The following KIF5B variants were observed in gnomAD, a reference collection of about 807,000 sequenced individuals.
KIF5B encodes kinesin-1 heavy chain.
A neutral mutation model predicts 132.8 loss-of-function variants in KIF5B; 49 were observed. The ratio of observed to expected loss-of-function variants is 0.37; its 90% CI spans 0.29 to 0.47. The LOEUF (loss-of-function observed/expected upper bound fraction) is 0.47. Among genes scored for constraint, KIF5B ranks in the 20% least tolerant of loss-of-function variants. The pLI, the probability that KIF5B is intolerant of heterozygous loss-of-function variation, is 1.00. For missense variants in KIF5B, 780 were observed against 1,144.0 expected (o/e 0.68, Z 4.59); for synonymous variants, 355 against 369.4 (o/e 0.96, Z 0.45).
Position 32,032,879 on chromosome 10 carries a change from A to T in KIF5B, c.1306-105T>A, listed in dbSNP as rs1427691582. On this transcript the variant is annotated intron_variant, in intron 12 of 25. Transcript: ENST00000302418. ...TACTCCCCAGAAATATTTCAAAACC[A>T]TTTCTCTAAATTCAACATTGCTTAT... is the stretch of plus-strand genomic sequence containing the variant. 3.7e-6 allele frequency: 3 copies of T among 809,350 alleles called. No homozygotes were observed. The East Asian group carries it at 7.5e-5, about 20-fold the overall frequency. 50.1% of individuals were successfully genotyped at this position (809,350 alleles called of 1,614,324 possible).
rs1377546148 is a variant in KIF5B at position 32,034,680 on chromosome 10, A to C, written c.1111+10T>G. 5 of 1,543,202 alleles carry C rather than the reference A, an allele frequency of 3.2e-6. No homozygotes were observed. Among genetic ancestry groups the C allele is most frequent in the South Asian group, 1.3e-5 (1 of 79,026 alleles). On this transcript the variant is annotated intron_variant, in intron 11 of 25. Transcript: ENST00000302418. ...AACAAACTGAAGATGACAAATTCTT[A>C]AGTTATTACCATTACGCCATCTGTT...
At position 32,033,942 on chromosome 10, in the gene KIF5B, G is replaced by C; in HGVS notation, c.1208C>G (p.Pro403Arg). The stretch of plus-strand genomic sequence containing the variant: ...TCCTATAACTCCAATTGCGGTTGCT[G>C]GTTTATCATTGGTAAGAGTAATATC... ...DKDITLTNDK[P>R]ATAIGVIGNF... The change falls in exon 12 of 26, where the codon CCA (proline) becomes CGA (arginine). Residue 403 changes from proline (P) to arginine (R), a missense_variant. Transcript: ENST00000302418. The C allele has an allele frequency of 2.5e-6, 4 of 1,612,212 alleles. No individual in the cohort carries two copies. Among genetic ancestry groups the C allele is most frequent in the Non-Finnish European group, 3.4e-6 (4 of 1,178,618 alleles).
In KIF5B at chr10:32,009,481, T is replaced by G. The variant is rs1168513284; in HGVS notation, c.*2056A>C. ...CACTGAAAACAAATTTATGAAATTCTTGGTACACTTTATGAAAGTCTGAAA... is the reference window on the plus strand; with the variant it reads ...CACTGAAAACAAATTTATGAAATTCGTGGTACACTTTATGAAAGTCTGAAA... On this transcript the variant is annotated 3_prime_UTR_variant, in exon 26 of 26. Coordinates refer to ENST00000302418, the MANE Select transcript of KIF5B (RefSeq NM_004521.3). 1.3e-5 allele frequency: 2 copies of G among 152,314 alleles called. No individual in the cohort carries two copies. The highest frequency in any genetic ancestry group is 3.9e-4 in the East Asian group (2 of 5,192). The allele number at this position is 152,314 out of a possible 1,614,324, so 9.4% of individuals were successfully genotyped here. A position where few individuals can be genotyped will look rare whatever the true frequency, so the allele number is the denominator to read the frequency against.
intron 2 of KIF5B, among the ~76,000 whole-genome samples, chr10:32,041,330 G>C (rs1841536424): frequency 1.3e-5 from 2 of 151,964 alleles, no homozygotes; most frequent in African/African-American, 4.8e-5. Flanking sequence ...ATTTTCTCTG[G>C]ACCCAGACTG....
Position 32,056,260 on chromosome 10 carries a change from T to G in KIF5B, c.-287A>C. 5.1e-6 allele frequency: 2 copies of G among 389,534 alleles called. No homozygotes were observed. Among genetic ancestry groups the G allele is most frequent in the East Asian group, 6.8e-5 (1 of 14,764 alleles). The allele number at this position is 389,534 out of a possible 1,614,324, so 24.1% of individuals were successfully genotyped here. A position where few individuals can be genotyped will look rare whatever the true frequency, so the allele number is the denominator to read the frequency against. ...TCCGCGGCTCCTCAGCGTCCCCCTT[T>G]ACGGTCTGGGCGGACTGCGGGGGCT... On this transcript the variant is annotated 5_prime_UTR_variant, in exon 1 of 26. Transcript: ENST00000302418.
chr10:32,018,628 T>G (rs1328904039), intron 20 of KIF5B, 66 bp from the exon 21 acceptor site: 2 of 1,170,638 alleles, frequency 1.7e-6, no homozygotes, highest in East Asian at 2.4e-5. Flanking sequence ...AGCATGAGAG[T>G]TGAATAAAAT....
At chr10:32,042,504 G>A (rs1564469845) in intron 2 of KIF5B, among the ~76,000 whole-genome samples, 1 of 152,148 alleles carries the variant, frequency 6.6e-6, no homozygotes, top group Non-Finnish European at 1.5e-5. Flanking sequence ...TTACCAATGA[G>A]TATTCGATCA....
Position 32,009,308 on chromosome 10 carries a change from CATCT to C in KIF5B, c.*2225_*2228del, listed in dbSNP as rs973939911. 1.3e-5 allele frequency: 2 copies of C among 152,108 alleles called. No homozygotes were observed. Among genetic ancestry groups the C allele is most frequent in the African/African-American group, 2.4e-5 (1 of 41,410 alleles). 9.4% of individuals were successfully genotyped at this position (152,108 alleles called of 1,614,324 possible). A position where few individuals can be genotyped will look rare whatever the true frequency, so the allele number is the denominator to read the frequency against. ...ATTTCATTGAGTTTCTCTTCTGAAC[CATCT>C]ATCAATGCCATTCAGAGGAACGTTA... On this transcript the variant is annotated 3_prime_UTR_variant, in exon 26 of 26. Transcript: ENST00000302418.
intron 2 of KIF5B, among the ~76,000 whole-genome samples, chr10:32,041,138 T>G (rs1841531913): frequency 7.6e-6 from 1 of 131,088 alleles, no homozygotes; most frequent in African/African-American, 2.9e-5. Context: ...ACAGTGAGAC[T>G]CTGTCTCAAA....
chr10:32,046,194 A>G (rs1841606930), intron 2 of KIF5B, among the ~76,000 whole-genome samples: 1 of 152,198 alleles, frequency 6.6e-6, no homozygotes, highest in Non-Finnish European at 1.5e-5. Flanking sequence ...AAAGACCTGT[A>G]TATTCAAATT....
intron 4 of KIF5B, 64 bp from the exon 5 acceptor site, chr10:32,038,890 G>A: frequency 1.0e-6 from 1 of 972,228 alleles, no homozygotes; most frequent in Non-Finnish European, 1.6e-6. Flanking sequence ...GCATATTGAG[G>A]TCTGAGTGCT....
rs200775134 is a variant in KIF5B at position 32,017,157 on chromosome 10, T to C, written c.2747A>G (p.His916Arg). ...VRSKNMARRG[H>R]SAQIAKPIRP... ...GTTCTACTAACCAATCTGTGCAGAA[T>C]GCCCTCTTCTGGCCATATTCTTTGA... The change falls in exon 24 of 26, where the codon CAT (histidine) becomes CGT (arginine). Residue 916 changes from histidine to arginine, a missense_variant. This residue lies in a region of KIF5B where 90 missense variants were observed against 101.8 expected (regional missense o/e 0.88). Transcript: ENST00000302418. The C allele has an allele frequency of 6.2e-7, 1 of 1,613,876 alleles. No homozygotes were observed. The highest frequency in any genetic ancestry group is 8.5e-7 in the Non-Finnish European group (1 of 1,179,664).
intron 18 of KIF5B, 37 bp downstream of exon 18, chr10:32,021,185 CTGAT>C (rs1564463621): frequency 6.3e-7 from 1 of 1,594,406 alleles, no homozygotes; most frequent in Non-Finnish European, 8.6e-7. Context: ...AAAATTAATA[CTGAT>C]TAATTAAAGC....
intron 15 of KIF5B, among the ~76,000 whole-genome samples, chr10:32,025,063 C>T (rs896679763): frequency 6.6e-6 from 1 of 152,130 alleles, no homozygotes; most frequent in African/African-American, 2.4e-5. Context: ...GGTGACAGAG[C>T]GAGACTCCGT....
At chr10:32,040,348 G>A (rs532314566) in intron 3 of KIF5B, 36 bp downstream of exon 3, 28 of 1,259,836 alleles carry the variant, frequency 2.2e-5, no homozygotes, top group Non-Finnish European at 3.3e-5. Flanking sequence ...TGTATGTATT[G>A]CAAACCACAT....
At chr10:32,038,300 G>GTTA in intron 5 of KIF5B, 82 bp from the exon 6 acceptor site, 1 of 940,712 alleles carries the variant, frequency 1.1e-6, no homozygotes, top group South Asian at 1.4e-5. Context: ...GCTTTCCTGA[G>GTTA]CAGCCTAACA....
rs1038862788 is a variant in KIF5B at position 32,010,787 on chromosome 10, CTAA to C, written c.*747_*749del. ...AATTCCTTTTCCAAACTCCCTTAAA[CTAA>C]GATCTGCTTTTGATACTTTAAAATA... On this transcript the variant is annotated 3_prime_UTR_variant, in exon 26 of 26. Coordinates refer to ENST00000302418, the MANE Select transcript of KIF5B (RefSeq NM_004521.3). The C allele has an allele frequency of 6.6e-6, 1 of 152,106 alleles. No individual in the cohort carries two copies. The highest frequency in any genetic ancestry group is 1.5e-5 in the Non-Finnish European group (1 of 67,998). 9.4% of individuals were successfully genotyped at this position (152,106 alleles called of 1,614,324 possible).
At chr10:32,017,918 T>C (rs1341650916) in intron 23 of KIF5B, 134 bp downstream of exon 23, 1 of 487,002 alleles carries the variant, frequency 2.1e-6, no homozygotes, top group Non-Finnish European at 3.8e-6. Context: ...ATGGTTTCTT[T>C]ATATAATTTC....
intron 8 of KIF5B, among the ~76,000 whole-genome samples, chr10:32,036,369 T>G (rs1229376079): frequency 6.6e-6 from 1 of 152,178 alleles, no homozygotes; most frequent in Non-Finnish European, 1.5e-5. Context: ...ACACATTATA[T>G]AAGCAAATCT....
Sources: allele counts gnomAD v4.1 joint callset (sites outside exome capture counted in the v4.1 genomes callset), GRCh38; gene constraint gnomAD v4.1.1; regional missense constraint gnomAD v4.1.1; transcripts MANE v1.5; gene names NCBI Gene and HGNC (gene_info 2026-07-23, HGNC 2026-07-21).